Variants in LRRC20 observed in about 807,000 individuals in gnomAD.
LRRC20 encodes the protein leucine-rich repeat-containing protein 20.
In LRRC20, 11 loss-of-function variants were observed where a neutral mutation model predicts 14.4. The ratio of observed to expected loss-of-function variants is 0.77; its 90% CI spans 0.48 to 1.27. The LOEUF is 1.27. Among genes scored for constraint, LRRC20 ranks in the 50% most tolerant of loss-of-function variants. The probability of loss-of-function intolerance (pLI) is 0.00; values close to 1 mark genes in which losing one functional copy is unlikely to be tolerated. For missense variants in LRRC20, 219 were observed against 251.2 expected, an observed-to-expected ratio of 0.87 and a Z score of 0.87; for synonymous variants, 121 against 107.3, an observed-to-expected ratio of 1.13 and a Z score of -0.79.
chr10:70,317,861 T>C (rs146363875), intron 4 of LRRC20, among the ~76,000 whole-genome samples: 87 of 152,344 alleles, frequency 5.7e-4, no homozygotes, highest in Admixed American at 1.4e-3. Context: ...AGCCTCCCAC[T>C]ATGCCACTGT....
chr10:70,304,454 A>G (rs1204339639), intron 4 of LRRC20, among the ~76,000 whole-genome samples: 1 of 137,060 alleles, frequency 7.3e-6, no homozygotes, highest in East Asian at 2.0e-4. Context: ...TGCTATATAG[A>G]TATCAGGCCA....
intron 4 of LRRC20, among the ~76,000 whole-genome samples, chr10:70,315,853 C>T (rs75611477): frequency 0.013 from 1,972 of 152,280 alleles, 48 homozygotes; most frequent in African/African-American, 0.045. Context: ...GTTCAGTGAC[C>T]CTATGATTAA....
intron 4 of LRRC20, among the ~76,000 whole-genome samples, chr10:70,313,086 C>T (rs1260772026): frequency 1.3e-5 from 2 of 152,234 alleles, no homozygotes; most frequent in African/African-American, 4.8e-5. Context: ...ATCTGACATG[C>T]AATCAAAGCC....
chr10:70,346,288 T>C (rs1431861897), intron 2 of LRRC20, among the ~76,000 whole-genome samples: 1 of 152,054 alleles, frequency 6.6e-6, no homozygotes, highest in Non-Finnish European at 1.5e-5. Flanking sequence ...TGGTGGTGCC[T>C]GTGTGTAGTT....
intron 2 of LRRC20, among the ~76,000 whole-genome samples, chr10:70,348,374 C>G (rs949013217): frequency 6.6e-6 from 1 of 152,232 alleles, no homozygotes; most frequent in Non-Finnish European, 1.5e-5. Flanking sequence ...GAGCAAATAT[C>G]ATCCTTACAC....
chr10:70,380,092 T>G (rs560823478), intron 1 of LRRC20, among the ~76,000 whole-genome samples: 1 of 152,294 alleles, frequency 6.6e-6, no homozygotes, highest in African/African-American at 2.4e-5. Context: ...GCCCAGGGGT[T>G]GAGGACCCTT....
intron 2 of LRRC20, among the ~76,000 whole-genome samples, chr10:70,354,602 C>T (rs1414208915): frequency 6.6e-6 from 1 of 152,190 alleles, no homozygotes; most frequent in Non-Finnish European, 1.5e-5. Flanking sequence ...GCCAGGCCTC[C>T]TCCTGATGTA....
At chr10:70,306,924 A>G (rs1263022971) in intron 4 of LRRC20, among the ~76,000 whole-genome samples, 1 of 152,170 alleles carries the variant, frequency 6.6e-6, no homozygotes, top group Non-Finnish European at 1.5e-5. Flanking sequence ...TTTACAATTC[A>G]TTATTGGACT....
chr10:70,373,499 T>TA (rs1483815535), intron 2 of LRRC20, among the ~76,000 whole-genome samples: 1 of 152,190 alleles, frequency 6.6e-6, no homozygotes, highest in Non-Finnish European at 1.5e-5. Context: ...CCAGCCCCCT[T>TA]AGAGTGTATA....
intron 3 of LRRC20, among the ~76,000 whole-genome samples, chr10:70,339,240 G>A (rs1842823633): frequency 6.6e-6 from 1 of 152,252 alleles, no homozygotes; most frequent in Non-Finnish European, 1.5e-5. Context: ...AAAGGGACTT[G>A]TGGATTCTTC....
rs1367725555 is a variant in LRRC20 at position 70,300,218 on chromosome 10, G to A, written c.*1136C>T. 6 of 315,934 alleles carry A rather than the reference G, an allele frequency of 1.9e-5. No individual in the cohort carries two copies. The Admixed American group carries it at 1.9e-4, about 10-fold the overall frequency. The allele number at this position is 315,934 out of a possible 1,614,324, so 19.6% of individuals were successfully genotyped here. A position where few individuals can be genotyped will look rare whatever the true frequency, so the allele number is the denominator to read the frequency against. On this transcript the variant is annotated 3_prime_UTR_variant, in exon 5 of 5. Transcript: ENST00000446961. ...GGTTCTTCAAGCCACAGGCGTTCTC[G>A]GGAAGCAAGAGCCCCAGGCCCTCTC... is the stretch of plus-strand genomic sequence containing the variant.
intron 3 of LRRC20, among the ~76,000 whole-genome samples, chr10:70,340,130 A>G (rs551984284): frequency 6.6e-6 from 1 of 152,098 alleles, no homozygotes; most frequent in East Asian, 1.9e-4. Context: ...CAAAAAAAAA[A>G]AAAGAAAAGA....
chr10:70,305,075 T>A (rs553312674), intron 4 of LRRC20, among the ~76,000 whole-genome samples: 1 of 152,172 alleles, frequency 6.6e-6, no homozygotes, highest in South Asian at 2.1e-4. Flanking sequence ...TCCCAGCTAC[T>A]TGGGAGGCTG....
At chr10:70,364,798 C>T (rs1328340188) in intron 2 of LRRC20, among the ~76,000 whole-genome samples, 1 of 152,166 alleles carries the variant, frequency 6.6e-6, no homozygotes, top group East Asian at 1.9e-4. Context: ...CTGTTTGATT[C>T]CACAGCTCCC....
chr10:70,301,251 C>CCCCCCCCCCCCCCCCCG lies in LRRC20; in HGVS notation c.*102_*103insCGGGGGGGGGGGGGGGG. On this transcript the variant is annotated 3_prime_UTR_variant, in exon 5 of 5. Coordinates refer to ENST00000446961, the MANE Select transcript of LRRC20 (RefSeq NM_001278212.2). ...ACCCACCACGTGCTGCTCGGCCCACCCGCCCCCAGCCCCCAGGCTTGGCCT... is the reference window on the plus strand; with the variant it reads ...ACCCACCACGTGCTGCTCGGCCCACCCCCCCCCCCCCCCCCCGCGCCCCCAGCCCCCAGGCTTGGCCT... The CCCCCCCCCCCCCCCCCG allele has an allele frequency of 6.8e-7, 1 of 1,471,092 alleles. No homozygotes were observed. 91.1% of individuals were successfully genotyped at this position (1,471,092 alleles called of 1,614,324 possible).
intron 2 of LRRC20, among the ~76,000 whole-genome samples, chr10:70,359,776 A>G (rs1451423348): frequency 2.0e-5 from 3 of 152,172 alleles, no homozygotes; most frequent in Non-Finnish European, 4.4e-5. Flanking sequence ...GTTCTCCCTT[A>G]GCTTCAAAAG....
intron 3 of LRRC20, among the ~76,000 whole-genome samples, chr10:70,337,274 A>C (rs948968799): frequency 6.6e-6 from 1 of 152,188 alleles, no homozygotes; most frequent in Non-Finnish European, 1.5e-5. Context: ...GGGCTTTTCT[A>C]TTTGAAAGAG....
At chr10:70,307,689 G>A (rs1309271897) in intron 4 of LRRC20, among the ~76,000 whole-genome samples, 4 of 152,246 alleles carry the variant, frequency 2.6e-5, no homozygotes, top group African/African-American at 9.6e-5. Flanking sequence ...TGATAGTTGA[G>A]AGTGGGTGGG....
At chr10:70,346,958 T>C (rs374237063) in intron 2 of LRRC20, among the ~76,000 whole-genome samples, 18 of 152,302 alleles carry the variant, frequency 1.2e-4, no homozygotes, top group African/African-American at 4.1e-4. Context: ...TGATCTCGGC[T>C]CACTGCTACC....
Sources: allele counts gnomAD v4.1 joint callset (sites outside exome capture counted in the v4.1 genomes callset), GRCh38; gene constraint gnomAD v4.1.1; transcripts MANE v1.5; gene names NCBI Gene and HGNC (gene_info 2026-07-23, HGNC 2026-07-21).